Variants in KCTD16 observed in about 807,000 individuals in gnomAD.
The protein encoded by KCTD16 is potassium channel tetramerization domain containing 16.
Under a neutral mutation model 33.2 loss-of-function variants are expected in KCTD16, and 13 were observed. That is an observed-to-expected ratio of 0.39 (90% CI 0.25 to 0.62). KCTD16 has a LOEUF of 0.62. Ranked by LOEUF, KCTD16 falls within the 20% of genes least tolerant of loss-of-function variation. The pLI is 0.50. For missense variants in KCTD16, 441 were observed against 525.1 expected, an observed-to-expected ratio of 0.84 and a Z score of 1.57; for synonymous variants, 197 against 195.3, an observed-to-expected ratio of 1.01 and a Z score of -0.07.
chr5:144,180,030 G>C (rs1355978425), intron 2 of KCTD16, among the ~76,000 whole-genome samples: 2 of 152,184 alleles, frequency 1.3e-5, no homozygotes, highest in Admixed American at 1.3e-4. Context: ...AGTGCTTCTA[G>C]CTTGATGAGG....
At chr5:144,258,602 C>T (rs1754915495) in intron 3 of KCTD16, among the ~76,000 whole-genome samples, 1 of 152,178 alleles carries the variant, frequency 6.6e-6, no homozygotes, top group East Asian at 1.9e-4. Context: ...ACAATATGCA[C>T]ATTCAGAACA....
intron 3 of KCTD16, among the ~76,000 whole-genome samples, chr5:144,262,360 G>A (rs1184364314): frequency 1.3e-5 from 2 of 152,138 alleles, no homozygotes; most frequent in African/African-American, 4.8e-5. Context: ...CAAAACTTGT[G>A]GGCTATGGGA....
At chr5:144,297,046 C>T (rs752870547) in intron 3 of KCTD16, among the ~76,000 whole-genome samples, 8 of 152,114 alleles carry the variant, frequency 5.3e-5, no homozygotes, top group East Asian at 3.8e-4. Flanking sequence ...ATCACCTAAA[C>T]GCAAGATGTG....
rs1754629419 is a variant in KCTD16, at chr5:144,477,922, C to A, written c.*3808C>A. On this transcript the variant is annotated 3_prime_UTR_variant, in exon 4 of 4. Coordinates refer to ENST00000512467, the MANE Select transcript of KCTD16 (RefSeq NM_020768.4). Reference sequence around the variant, plus strand: ...TTTCTGTGAACTTTTAGGAAGAATTCTTTGTCACCTCCACCTGACATACCA... The same window carrying A: ...TTTCTGTGAACTTTTAGGAAGAATTATTTGTCACCTCCACCTGACATACCA... 1.3e-5 allele frequency: 2 copies of A among 151,974 alleles called. No homozygotes were observed. Among genetic ancestry groups the A allele is most frequent in the South Asian group, 2.1e-4 (1 of 4,828 alleles). The allele number at this position is 151,974 out of a possible 1,614,324, so 9.4% of individuals were successfully genotyped here. A position where few individuals can be genotyped will look rare whatever the true frequency, so the allele number is the denominator to read the frequency against.
chr5:144,431,226 A>T (rs1561605553), intron 3 of KCTD16, among the ~76,000 whole-genome samples: 2 of 152,178 alleles, frequency 1.3e-5, no homozygotes, highest in African/African-American at 4.8e-5. Flanking sequence ...TATCCATTTA[A>T]CATGTTTAGT....
chr5:144,177,135 G>A (rs1752526247), intron 2 of KCTD16, among the ~76,000 whole-genome samples: 1 of 151,876 alleles, frequency 6.6e-6, no homozygotes, highest in Non-Finnish European at 1.5e-5. Context: ...GTATTTTCTG[G>A]GTTTTCTTCC....
chr5:144,213,596 G>C (rs1192607754), intron 3 of KCTD16, among the ~76,000 whole-genome samples: 3 of 152,136 alleles, frequency 2.0e-5, no homozygotes, highest in African/African-American at 7.2e-5. Context: ...CTAGACTCCA[G>C]ATTTTAGAGG....
chr5:144,217,017 A>G (rs1275821580), intron 3 of KCTD16, among the ~76,000 whole-genome samples: 1 of 152,162 alleles, frequency 6.6e-6, no homozygotes, highest in Non-Finnish European at 1.5e-5. Flanking sequence ...AAATTCTAGT[A>G]ATTAGACTAA....
chr5:144,447,755 G>A (rs899293896), intron 3 of KCTD16, among the ~76,000 whole-genome samples: 2 of 152,006 alleles, frequency 1.3e-5, no homozygotes, highest in Non-Finnish European at 2.9e-5. Flanking sequence ...GTCTAAATAT[G>A]ACACTTCCAT....
At chr5:144,400,885 G>A (rs1314555768) in intron 3 of KCTD16, among the ~76,000 whole-genome samples, 1 of 152,160 alleles carries the variant, frequency 6.6e-6, no homozygotes, top group South Asian at 2.1e-4. Flanking sequence ...GTGAAAAGCT[G>A]AAGGAAGAGC....
chr5:144,314,339 G>A (rs1255096827), intron 3 of KCTD16, among the ~76,000 whole-genome samples: 3 of 152,110 alleles, frequency 2.0e-5, no homozygotes, highest in Non-Finnish European at 4.4e-5. Context: ...GAGATAAAGC[G>A]TAACTGTCTT....
At chr5:144,411,526 A>T (rs1317819312) in intron 3 of KCTD16, among the ~76,000 whole-genome samples, 3 of 152,168 alleles carry the variant, frequency 2.0e-5, no homozygotes, top group Non-Finnish European at 4.4e-5. Flanking sequence ...CAGATTAAAA[A>T]AATTAACTCA....
intron 3 of KCTD16, among the ~76,000 whole-genome samples, chr5:144,379,388 G>A (rs184728451): frequency 3.3e-5 from 5 of 152,280 alleles, no homozygotes; most frequent in East Asian, 1.9e-4. Flanking sequence ...GTTTAGAATT[G>A]TAATAAGATG....
chr5:144,272,573 C>A (rs532166416), intron 3 of KCTD16, among the ~76,000 whole-genome samples: 17 of 152,204 alleles, frequency 1.1e-4, no homozygotes, highest in African/African-American at 3.9e-4. Flanking sequence ...AAATTTACTA[C>A]AAAGCTACAG....
At position 144,475,594 on chromosome 5, in the gene KCTD16, A is replaced by G. The variant is rs1211341377; in HGVS notation, c.*1480A>G. 3.3e-5 allele frequency: 5 copies of G among 152,638 alleles called. No homozygotes were observed. The allele number at this position is 152,638 out of a possible 1,614,324, so 9.5% of individuals were successfully genotyped here. Reference sequence around the variant, plus strand: ...GTTTTATTTTCAGCATTCCTCATGCATTTCAGTGGTAACCAAAAAATAATT... The same window carrying G: ...GTTTTATTTTCAGCATTCCTCATGCGTTTCAGTGGTAACCAAAAAATAATT... On this transcript the variant is annotated 3_prime_UTR_variant, in exon 4 of 4. Coordinates refer to ENST00000512467, the MANE Select transcript of KCTD16 (RefSeq NM_020768.4).
chr5:144,255,368 T>A (rs1474707681), intron 3 of KCTD16, among the ~76,000 whole-genome samples: 1 of 152,206 alleles, frequency 6.6e-6, no homozygotes, highest in Non-Finnish European at 1.5e-5. Flanking sequence ...TTTTTTTTTA[T>A]CATATGGTGG....
chr5:144,335,418 G>A (rs1044520527), intron 3 of KCTD16, among the ~76,000 whole-genome samples: 1 of 152,180 alleles, frequency 6.6e-6, no homozygotes, highest in African/African-American at 2.4e-5. Flanking sequence ...CTATACGTGT[G>A]ATAATGGCTT....
At chr5:144,253,598 G>A (rs1350897960) in intron 3 of KCTD16, among the ~76,000 whole-genome samples, 7 of 152,150 alleles carry the variant, frequency 4.6e-5, no homozygotes, top group Non-Finnish European at 1.0e-4. Context: ...TAAACTTGGT[G>A]CAGACATGTG....
intron 3 of KCTD16, among the ~76,000 whole-genome samples, chr5:144,353,581 A>T (rs1222294730): frequency 6.6e-6 from 1 of 152,196 alleles, no homozygotes; most frequent in Non-Finnish European, 1.5e-5. Flanking sequence ...GCAGTTCCTC[A>T]CATATTATAA....
Sources: allele counts gnomAD v4.1 joint callset (sites outside exome capture counted in the v4.1 genomes callset), GRCh38; gene constraint gnomAD v4.1.1; transcripts MANE v1.5; gene names NCBI Gene and HGNC (gene_info 2026-07-23, HGNC 2026-07-21).